Variants in PID1 observed in about 807,000 individuals in gnomAD.
PID1 encodes the protein PTB-containing, cubilin and LRP1-interacting protein.
A neutral mutation model predicts 19.1 loss-of-function variants in PID1; 10 were observed. The ratio of observed to expected loss-of-function variants is 0.52; its 90% CI spans 0.32 to 0.89. The LOEUF (loss-of-function observed/expected upper bound fraction) is 0.89, where lower values mean the gene tolerates loss of function less well. Ranked by LOEUF, PID1 falls within the 40% of genes least tolerant of loss-of-function variation. The pLI is 0.03. For synonymous variants in PID1, 130 were observed against 116.0 expected, an observed-to-expected ratio of 1.12 and a Z score of -0.78; for missense variants, 248 against 285.3, an observed-to-expected ratio of 0.87 and a Z score of 0.94.
chr2:229,209,058 A>G (rs979094836), intron 1 of PID1, among the ~76,000 whole-genome samples: 1 of 152,166 alleles, frequency 6.6e-6, no homozygotes, highest in Admixed American at 6.5e-5. Flanking sequence ...GTGGCAAATA[A>G]AAAAGGGGGA....
chr2:229,027,272 T>C (rs747109394), intron 2 of PID1, among the ~76,000 whole-genome samples: 2 of 152,200 alleles, frequency 1.3e-5, no homozygotes, highest in East Asian at 3.9e-4. Flanking sequence ...AACTTTTTAA[T>C]AAAGATGTGT....
chr2:229,059,962 C>T (rs1246865127), intron 2 of PID1, among the ~76,000 whole-genome samples: 1 of 151,958 alleles, frequency 6.6e-6, no homozygotes, highest in Admixed American at 6.6e-5. Flanking sequence ...CTATTTTTTC[C>T]CACCAGTTGA....
At chr2:229,089,274 A>T (rs946814017) in intron 2 of PID1, among the ~76,000 whole-genome samples, 4 of 152,168 alleles carry the variant, frequency 2.6e-5, no homozygotes, top group African/African-American at 9.7e-5. Context: ...GGTGTCTGAA[A>T]ACACTGGCTT....
At chr2:229,113,375 CCTA>C (rs1695336716) in intron 2 of PID1, among the ~76,000 whole-genome samples, 1 of 146,694 alleles carries the variant, frequency 6.8e-6, no homozygotes, top group African/African-American at 2.5e-5. Context: ...GTCTGGAGCC[CCTA>C]CTATTTTTTA....
chr2:229,220,544 AG>A (rs1045500364), intron 1 of PID1, among the ~76,000 whole-genome samples: 4 of 152,146 alleles, frequency 2.6e-5, no homozygotes, highest in African/African-American at 9.7e-5. Flanking sequence ...AACCACGGGT[AG>A]GAACTCCAAC....
intron 2 of PID1, among the ~76,000 whole-genome samples, chr2:229,064,114 A>G (rs1694272056): frequency 6.6e-6 from 1 of 152,178 alleles, no homozygotes; most frequent in African/African-American, 2.4e-5. Context: ...CAAGTGTTTC[A>G]AGAAGGCAAA....
intron 2 of PID1, among the ~76,000 whole-genome samples, chr2:229,066,457 T>C (rs1045901040): frequency 6.6e-6 from 1 of 152,170 alleles, no homozygotes; most frequent in Non-Finnish European, 1.5e-5. Context: ...GAACTTAAAA[T>C]AGCCAATTTT....
At position 229,257,316 on chromosome 2, in the gene PID1, T is replaced by C. The variant is rs554434137; in HGVS notation, c.30+13698A>G. Among the ~76,000 whole-genome samples the C allele has an allele frequency of 3.3e-5, 5 of 152,342 alleles. No individual in the cohort carries two copies. In the East Asian group the frequency reaches 9.6e-4, roughly 29 times the overall value. On this transcript the variant is annotated intron_variant, in intron 1 of 2. Coordinates refer to ENST00000392055, the MANE Select transcript of PID1 (RefSeq NM_001100818.2). The stretch of plus-strand genomic sequence containing the variant: ...TTCATGTGCCAGGGACAGTGCTAAC[T>C]GCTCGTGTGACTTCCTCTAGCCTAC...
At chr2:229,105,751 C>T (rs1559235299) in intron 2 of PID1, among the ~76,000 whole-genome samples, 1 of 152,210 alleles carries the variant, frequency 6.6e-6, no homozygotes, top group Non-Finnish European at 1.5e-5. Flanking sequence ...GTCCAGTAAA[C>T]AGCTGGAATT....
chr2:229,173,895 A>C (rs757276838), intron 1 of PID1, among the ~76,000 whole-genome samples: 13 of 152,116 alleles, frequency 8.5e-5, no homozygotes, highest in Non-Finnish European at 1.6e-4. Context: ...AAGTGGCTTA[A>C]CTCTGAGTTG....
At chr2:229,134,935 C>A (rs10185040) in intron 2 of PID1, among the ~76,000 whole-genome samples, 2 of 35,326 alleles carry the variant, frequency 5.7e-5, no homozygotes, top group South Asian at 1.2e-3. Context: ...ATTTTATGTA[C>A]TAACCTATTT....
intron 2 of PID1, among the ~76,000 whole-genome samples, chr2:229,139,099 GAAAGAAAGAA>G (rs1437283463): frequency 6.8e-5 from 5 of 73,266 alleles, no homozygotes; most frequent in African/African-American, 3.4e-4. Flanking sequence ...AAGAAAGAAA[GAAAGAAAGAA>G]AGAAAGAGAA....
intron 2 of PID1, among the ~76,000 whole-genome samples, chr2:229,072,756 T>C (rs1308666644): frequency 1.3e-5 from 2 of 152,194 alleles, no homozygotes; most frequent in Non-Finnish European, 2.9e-5. Flanking sequence ...AAGGTACTCA[T>C]CAAATTTGAT....
At chr2:229,175,468 G>C (rs1333164030) in intron 1 of PID1, among the ~76,000 whole-genome samples, 5 of 152,232 alleles carry the variant, frequency 3.3e-5, no homozygotes, top group African/African-American at 7.2e-5. Context: ...TGTTGTTTAT[G>C]AGTCAATTAG....
In PID1 at chr2:229,035,506, ATGTGTGTGTGTGTG is replaced by A. The variant is rs3083806; in HGVS notation, c.178-9412_178-9399del. Among the ~76,000 whole-genome samples the A allele has an allele frequency of 4.7e-5, 7 of 148,266 alleles. No homozygotes were observed. The East Asian group carries it at 6.1e-4, about 13-fold the overall frequency. ...CATATAAATGGGGCCAATCATTTAT[ATGTGTGTGTGTGTG>A]TGTGTGTGTGTGTGTGTGTGCACCA... On this transcript the variant is annotated intron_variant, in intron 2 of 2. Coordinates refer to ENST00000392055, the MANE Select transcript of PID1 (RefSeq NM_001100818.2).
rs769987356 is a variant in PID1, at chr2:229,025,677, G to A, written c.609C>T (p.Ser203=). Reference sequence around the variant, plus strand: ...ATTCCTGGGAAACCTCTTCGGAGGAGCTGTTGCTGTGGATCCGCCCGTCGC... The same window carrying A: ...ATTCCTGGGAAACCTCTTCGGAGGAACTGTTGCTGTGGATCCGCCCGTCGC... ...MKSDGRIHSN[S]SSEEVSQELE... The change falls in exon 3 of 3, where the codon AGC becomes AGT. Residue 203 remains serine (S), a synonymous_variant. Transcript: ENST00000392055. 6.2e-7 allele frequency: 1 copy of A among 1,613,654 alleles called. No homozygotes were observed. The highest frequency in any genetic ancestry group is 8.5e-7 in the Non-Finnish European group (1 of 1,179,550).
chr2:229,177,985 C>T (rs1690861154), intron 1 of PID1, among the ~76,000 whole-genome samples: 1 of 152,176 alleles, frequency 6.6e-6, no homozygotes, highest in Admixed American at 6.5e-5. Flanking sequence ...GGTCTCCCCA[C>T]CGACAAACCT....
intron 1 of PID1, among the ~76,000 whole-genome samples, chr2:229,235,291 A>G (rs1441531131): frequency 6.6e-6 from 1 of 152,254 alleles, no homozygotes; most frequent in Non-Finnish European, 1.5e-5. Flanking sequence ...CAGCTACTCT[A>G]CTCAGAGCCT....
chr2:229,141,627 A>G (rs966789105), intron 2 of PID1, among the ~76,000 whole-genome samples: 3 of 144,554 alleles, frequency 2.1e-5, no homozygotes, highest in Admixed American at 6.9e-5. Flanking sequence ...AAGAGAATGC[A>G]TTCATCAATC....
Sources: gnomAD v4.1 joint callset for allele counts (sites outside exome capture counted in the v4.1 genomes callset) on GRCh38, gnomAD v4.1.1 for gene constraint, MANE v1.5 for transcripts, NCBI Gene and HGNC (gene_info 2026-07-23, HGNC 2026-07-21) for gene names.